IL22RA1: variants seen among roughly 807,000 people sequenced by gnomAD.
IL22RA1 encodes the protein interleukin 22 receptor subunit alpha 1, also known as interleukin-22 receptor subunit alpha-1.
IL22RA1 carries 25 observed loss-of-function variants against 32.8 expected under a neutral mutation model. The ratio of observed to expected loss-of-function variants is 0.76; its 90% CI spans 0.55 to 1.06. The LOEUF (loss-of-function observed/expected upper bound fraction) is 1.06. Among genes scored for constraint, IL22RA1 ranks in the 50% least tolerant of loss-of-function variants. The probability of loss-of-function intolerance (pLI) is 0.00; values close to 1 mark genes in which losing one functional copy is unlikely to be tolerated. For missense variants in IL22RA1, 709 were observed against 727.4 expected (o/e 0.97, Z 0.29); for synonymous variants, 305 against 305.0 (o/e 1.00, Z 0.00).
chr1:24,128,304 T>G, intron 4 of IL22RA1, 25 bp from the exon 5 acceptor site: 1 of 1,613,266 alleles, frequency 6.2e-7, no homozygotes, highest in South Asian at 1.1e-5. Flanking sequence ...GAATGGAATG[T>G]GATTCCTGTT....
chr1:24,131,826 T>C (rs1644206733), intron 4 of IL22RA1, among the ~76,000 whole-genome samples: 1 of 152,190 alleles, frequency 6.6e-6, no homozygotes, highest in African/African-American at 2.4e-5. Context: ...TCTTTTCAGG[T>C]GCACAAGGAA....
chr1:24,125,028 G>T (rs1245460827), intron 5 of IL22RA1, among the ~76,000 whole-genome samples: 2 of 152,118 alleles, frequency 1.3e-5, no homozygotes, highest in Admixed American at 6.5e-5. Flanking sequence ...GGAATACAGG[G>T]TGTTAGAGGC....
At chr1:24,132,850 G>T (rs182332780) in intron 4 of IL22RA1, among the ~76,000 whole-genome samples, 2 of 151,202 alleles carry the variant, frequency 1.3e-5, no homozygotes, top group Admixed American at 6.6e-5. Flanking sequence ...TTTTTAAATG[G>T]CTTAAGTTTT....
At chr1:24,126,600 T>C (rs1199230494) in intron 5 of IL22RA1, among the ~76,000 whole-genome samples, 1 of 152,222 alleles carries the variant, frequency 6.6e-6, no homozygotes, top group Non-Finnish European at 1.5e-5. Flanking sequence ...AATGTCCAGC[T>C]TGCAAACTCA....
chr1:24,128,100 AT>A, intron 5 of IL22RA1, 40 bp downstream of exon 5: 1 of 1,488,578 alleles, frequency 6.7e-7, no homozygotes, highest in Non-Finnish European at 8.9e-7. Context: ...CAAGACTTGA[AT>A]TCGGGAGCCC....
chr1:24,133,250 A>G (rs1644218957), intron 4 of IL22RA1, among the ~76,000 whole-genome samples: 2 of 152,000 alleles, frequency 1.3e-5, no homozygotes. Context: ...TAATATATGC[A>G]TATTATGTCA....
chr1:24,140,917 G>A (rs1326505810), intron 1 of IL22RA1, among the ~76,000 whole-genome samples: 1 of 152,246 alleles, frequency 6.6e-6, no homozygotes, highest in African/African-American at 2.4e-5. Context: ...ACTGCCAGTG[G>A]GCCCAAGGTG....
At chr1:24,137,739 A>T (rs1201666263) in intron 2 of IL22RA1, among the ~76,000 whole-genome samples, 2 of 150,802 alleles carry the variant, frequency 1.3e-5, no homozygotes, top group Non-Finnish European at 3.0e-5. Flanking sequence ...CTGGTCTCGA[A>T]CTCCTAACCT....
At chr1:24,137,838 AAAG>A (rs767376246) in intron 2 of IL22RA1, among the ~76,000 whole-genome samples, 20 of 152,196 alleles carry the variant, frequency 1.3e-4, no homozygotes, top group Non-Finnish European at 2.2e-4. Context: ...TTTTTCAAAC[AAAG>A]AAGATGAGGC....
chr1:24,135,131 G>A (rs1297179221), intron 3 of IL22RA1, among the ~76,000 whole-genome samples: 2 of 152,108 alleles, frequency 1.3e-5, no homozygotes, highest in Non-Finnish European at 2.9e-5. Context: ...CCTCAAAAAG[G>A]GAAATACATA....
At chr1:24,124,378 A>T (rs1644147168) in intron 5 of IL22RA1, among the ~76,000 whole-genome samples, 1 of 152,142 alleles carries the variant, frequency 6.6e-6, no homozygotes, top group Non-Finnish European at 1.5e-5. Context: ...GGGGAGAGGG[A>T]TGACTAGGGC....
chr1:24,130,260 C>A (rs975958694), intron 4 of IL22RA1, among the ~76,000 whole-genome samples: 1 of 152,100 alleles, frequency 6.6e-6, no homozygotes, highest in Non-Finnish European at 1.5e-5. Flanking sequence ...AGACAGAAAC[C>A]CTTTATTCTC....
In IL22RA1 at chr1:24,121,451, C is replaced by A; in HGVS notation, c.1079G>T (p.Gly360Val). The A allele has an allele frequency of 6.5e-7, 1 of 1,545,028 alleles. No individual in the cohort carries two copies. The highest frequency in any genetic ancestry group is 8.7e-7 in the Non-Finnish European group (1 of 1,143,424). The change falls in exon 7 of 7, where the codon GGG (glycine) becomes GTG (valine). Residue 360 changes from glycine (G) to valine (V), a missense_variant. Transcript: ENST00000270800. Reference protein sequence around the residue: ...SYAPNAAPEVGPPSYAPQVTP... With the variant: ...SYAPNAAPEVVPPSYAPQVTP... ...CACCTGAGGTGCATAGGATGGGGGC[C>A]CGACCTCAGGGGCAGCGTTTGGGGC...
At position 24,121,574 on chromosome 1, in the gene IL22RA1, T is replaced by C. The variant is rs1383111738; in HGVS notation, c.956A>G (p.His319Arg). 1 of 1,612,024 alleles carries C rather than the reference T, an allele frequency of 6.2e-7. No homozygotes were observed. The highest frequency in any genetic ancestry group is 1.7e-5 in the Admixed American group (1 of 59,864). Reference protein sequence around the residue: ...PREPAGAPQRHSLSEITYLGQ... With the variant: ...PREPAGAPQRRSLSEITYLGQ... The stretch of plus-strand genomic sequence containing the variant: ...TAAGTAGGTGATCTCGGACAGGCTA[T>C]GCCGCTGTGGAGCTCCTGCGGGCTC... Residue 319 changes from histidine to arginine, a missense_variant, in exon 7 of 7, where the codon CAT becomes CGT. By Grantham distance (29) the His-to-Arg change is conservative. Transcript: ENST00000270800.
chr1:24,137,034 C>T, intron 3 of IL22RA1, 97 bp downstream of exon 3: 1 of 1,226,430 alleles, frequency 8.2e-7, no homozygotes, highest in Non-Finnish European at 1.1e-6. Flanking sequence ...CCCTTCTGGA[C>T]CCTCCACCCA....
chr1:24,128,779 C>T (rs769395977), intron 4 of IL22RA1, among the ~76,000 whole-genome samples: 4 of 152,172 alleles, frequency 2.6e-5, no homozygotes, highest in African/African-American at 4.8e-5. Flanking sequence ...TTCATGGTCG[C>T]CCATCTCTGG....
At chr1:24,136,998 C>T in intron 3 of IL22RA1, 133 bp downstream of exon 3, 1 of 798,072 alleles carries the variant, frequency 1.3e-6, no homozygotes, top group Non-Finnish European at 1.9e-6. Context: ...GCCACATCCC[C>T]AGCTGCCCCT....
intron 6 of IL22RA1, 60 bp downstream of exon 6, chr1:24,123,242 G>A: frequency 6.4e-7 from 1 of 1,559,746 alleles, no homozygotes; most frequent in South Asian, 1.2e-5. Context: ...GACAACTGGG[G>A]ACCTCGGAGC....
chr1:24,134,132 T>C, intron 4 of IL22RA1, 79 bp downstream of exon 4: 1 of 1,275,496 alleles, frequency 7.8e-7, no homozygotes. Context: ...TCCCCTTTTT[T>C]TCTTAAAGCA....
Sources: allele counts gnomAD v4.1 joint callset (sites outside exome capture counted in the v4.1 genomes callset), GRCh38; gene constraint gnomAD v4.1.1; transcripts MANE v1.5; gene names NCBI Gene and HGNC (gene_info 2026-07-23, HGNC 2026-07-21).